VWDE: variants seen among roughly 807,000 people sequenced by gnomAD.
VWDE encodes the protein von Willebrand factor D and EGF domains.
In VWDE, 207 loss-of-function variants were observed where a neutral mutation model predicts 178.4. The ratio of observed to expected loss-of-function variants is 1.16; its 90% CI spans 1.04 to 1.30. The LOEUF (loss-of-function observed/expected upper bound fraction) is 1.30, where lower values mean the gene tolerates loss of function less well. Among genes scored for constraint, VWDE ranks in the 50% most tolerant of loss-of-function variants. The pLI is 0.00. For missense variants in VWDE, 2,287 were observed against 1,901.3 expected (o/e 1.20, Z -3.77); for synonymous variants, 738 against 651.4 (o/e 1.13, Z -2.02).
At chr7:12,392,451 C>T (rs1282179060) in intron 2 of VWDE, among the ~76,000 whole-genome samples, 1 of 151,908 alleles carries the variant, frequency 6.6e-6, no homozygotes, top group Non-Finnish European at 1.5e-5. Flanking sequence ...GATAACTGGT[C>T]GAAGTATGAT....
chr7:12,379,559 C>A lies in VWDE; in HGVS notation c.797G>T (p.Cys266Phe). 6.5e-7 allele frequency: 1 copy of A among 1,545,694 alleles called. No individual in the cohort carries two copies. The highest frequency in any genetic ancestry group is 8.7e-7 in the Non-Finnish European group (1 of 1,144,244). ...INLRLGDRIF[C>F]SASVFFLENP... ...CTCCAAGAAAAAGACAGAAGCGCTG[C>A]AGAATATCTATGGATATAATTAAAA... The change falls in exon 6 of 29, where the codon TGC (cysteine) becomes TTC (phenylalanine). Residue 266 changes from cysteine (C) to phenylalanine (F), a missense_variant. Cys to Phe is a radical substitution (Grantham distance 205, BLOSUM62 -2). Transcript: ENST00000275358.
chr7:12,357,358 C>G lies in VWDE; in HGVS notation c.3432G>C (p.Gly1144=). ...GTAAATCTGTTTTCCACATAAAAAGCCCTGCAGAGGAAACACTTGCCCCTT... is the reference window on the plus strand; with the variant it reads ...GTAAATCTGTTTTCCACATAAAAAGGCCTGCAGAGGAAACACTTGCCCCTT... ...GPEGASVSSA[G]LFMWKTDLLT... The change falls in exon 17 of 29, where the codon GGG becomes GGC. Residue 1144 remains glycine, a synonymous_variant. Transcript: ENST00000275358. 6.4e-7 allele frequency: 1 copy of G among 1,551,910 alleles called. No homozygotes were observed.
rs186868643 is a variant in VWDE, at chr7:12,339,978, T to C, written c.4366+344A>G. ...ATAATAGTGGACAGTAGATTGACCA[T>C]AAATCAAACATTTTTGCTGTGTAGG... On this transcript the variant is annotated intron_variant, in intron 24 of 28. Transcript: ENST00000275358. Among the ~76,000 whole-genome samples, 350 of 152,252 alleles carry C rather than the reference T, an allele frequency of 2.3e-3. 1 individual carries two copies. The highest frequency in any genetic ancestry group is 3.1e-3 in the Non-Finnish European group (209 of 67,998).
chr7:12,360,099 C>G (rs773669022), intron 15 of VWDE, among the ~76,000 whole-genome samples: 6 of 152,090 alleles, frequency 3.9e-5, no homozygotes, highest in Non-Finnish European at 8.8e-5. Flanking sequence ...ATTTCCCTAG[C>G]AGCCCACTGT....
At chr7:12,363,540 T>G (rs1017160294) in intron 13 of VWDE, among the ~76,000 whole-genome samples, 20 of 151,982 alleles carry the variant, frequency 1.3e-4, no homozygotes, top group African/African-American at 4.8e-4. Context: ...TTAAAACTAC[T>G]AATACAAAAG....
At chr7:12,344,075 G>A in intron 21 of VWDE, 120 bp downstream of exon 21, 1 of 667,010 alleles carries the variant, frequency 1.5e-6, no homozygotes, top group East Asian at 2.8e-5. Context: ...TCCTATACCA[G>A]CTTTGATAAG....
At chr7:12,400,460 T>A (rs1405341349) in intron 1 of VWDE, among the ~76,000 whole-genome samples, 1 of 152,048 alleles carries the variant, frequency 6.6e-6, no homozygotes, top group Non-Finnish European at 1.5e-5. Context: ...TAGATGAGAT[T>A]GACAAATTTC....
At chr7:12,344,321 T>C (rs765567937) in intron 20 of VWDE, 31 bp from the exon 21 acceptor site, 8 of 1,550,192 alleles carry the variant, frequency 5.2e-6, no homozygotes, top group Non-Finnish European at 6.1e-6. Context: ...GTTTTAGACA[T>C]ATCAATTACC....
At position 12,370,861 on chromosome 7, in the gene VWDE, A is replaced by C. The variant is rs1305603959; in HGVS notation, c.1591T>G (p.Trp531Gly). ...ESYLGRKVTI[W>G]FSSGAFIRAD... is the part of the protein sequence containing the mutation. ...CGGATAAATGCCCCAGAAGAAAACC[A>C]GATCTGAAAAACAGAAATAAATACA... Residue 531 changes from tryptophan (W) to glycine (G), a missense_variant, in exon 11 of 29, where the codon TGG becomes GGG. By Grantham distance (184) the Trp-to-Gly change is radical (BLOSUM62 -2). Coordinates refer to ENST00000275358, the MANE Select transcript of VWDE (RefSeq NM_001135924.3). The C allele has an allele frequency of 2.6e-6, 4 of 1,512,658 alleles. No individual in the cohort carries two copies. In the African/African-American group the frequency reaches 5.6e-5, roughly 21 times the overall value. The allele number at this position is 1,512,658 out of a possible 1,614,324, so 93.7% of individuals were successfully genotyped here.
intron 13 of VWDE, 141 bp downstream of exon 13, chr7:12,367,216 T>G (rs1442972650): frequency 3.5e-6 from 2 of 574,584 alleles, no homozygotes; most frequent in Non-Finnish European, 5.3e-6. Context: ...ATTATGTAAC[T>G]TAATCATTTT....
At chr7:12,372,457 G>A (rs1049408491) in intron 10 of VWDE, among the ~76,000 whole-genome samples, 1 of 151,838 alleles carries the variant, frequency 6.6e-6, no homozygotes, top group South Asian at 2.1e-4. Flanking sequence ...ATGGAAGGTG[G>A]CTATGACCTG....
At chr7:12,343,546 A>C (rs75134841) in intron 21 of VWDE, among the ~76,000 whole-genome samples, 4,040 of 152,210 alleles carry the variant, frequency 0.027, 183 homozygotes, top group African/African-American at 0.092. Context: ...GTTCACCCTA[A>C]ATTTACTTTA....
intron 19 of VWDE, among the ~76,000 whole-genome samples, chr7:12,346,556 T>C (rs1234499456): frequency 6.6e-6 from 1 of 151,968 alleles, no homozygotes; most frequent in Non-Finnish European, 1.5e-5. Context: ...TCAGATTTTA[T>C]GTCCCCATCT....
At chr7:12,367,760 T>A (rs1353097385) in intron 12 of VWDE, among the ~76,000 whole-genome samples, 1 of 152,110 alleles carries the variant, frequency 6.6e-6, no homozygotes, top group African/African-American at 2.4e-5. Context: ...ATATTTTATA[T>A]CAATTAAGGA....
intron 7 of VWDE, among the ~76,000 whole-genome samples, chr7:12,377,058 C>T (rs932616692): frequency 1.3e-5 from 2 of 152,070 alleles, no homozygotes; most frequent in African/African-American, 4.8e-5. Context: ...ATTGTAATCT[C>T]TCTTAAAGGT....
At chr7:12,403,634 C>T (rs756233590) in intron 1 of VWDE, 25 bp downstream of exon 1, 6 of 1,532,000 alleles carry the variant, frequency 3.9e-6, no homozygotes, top group South Asian at 3.6e-5. Context: ...TGCGCGCCCA[C>T]CCCCGCGCGC....
chr7:12,336,176 C>T lies in VWDE; in HGVS notation c.4619G>A (p.Cys1540Tyr). 6.4e-7 allele frequency: 1 copy of T among 1,551,352 alleles called. No individual in the cohort carries two copies. Among genetic ancestry groups the T allele is most frequent in the Non-Finnish European group, 8.7e-7 (1 of 1,146,890 alleles). ...CCGCACTCCTTCCCAGGAGGAAGGA[C>T]AATGGCATATGCTGGGCGCAATGCA... ...GECIAPSICHCPSSWEGVRCQ... is the reference protein window; with the variant it reads ...GECIAPSICHYPSSWEGVRCQ... The change falls in exon 27 of 29, where the codon TGT (cysteine) becomes TAT (tyrosine). Residue 1540 changes from cysteine (C) to tyrosine (Y), a missense_variant. Coordinates refer to ENST00000275358, the MANE Select transcript of VWDE (RefSeq NM_001135924.3).
intron 13 of VWDE, among the ~76,000 whole-genome samples, chr7:12,362,799 G>A (rs1782658845): frequency 6.6e-6 from 1 of 152,058 alleles, no homozygotes; most frequent in Non-Finnish European, 1.5e-5. Flanking sequence ...AGGGAGTATG[G>A]AGAGTCTAGC....
In VWDE at chr7:12,367,436, T is replaced by C; in HGVS notation, c.2819A>G (p.Tyr940Cys). The C allele has an allele frequency of 6.5e-7, 1 of 1,546,764 alleles. No individual in the cohort carries two copies. The highest frequency in any genetic ancestry group is 1.2e-5 in the South Asian group (1 of 83,318). Residue 940 changes from tyrosine (Y) to cysteine (C), a missense_variant, in exon 13 of 29, where the codon TAT becomes TGT. By Grantham distance (194) the Tyr-to-Cys change is radical. Transcript: ENST00000275358. ...AAAAACTCTCACCATCATACAATTA[T>C]ATTTTTGAACATCACAGAATCCAGC... The part of the protein sequence containing the change: ...GNAGFCDVQK[Y>C]NCMMVRVFGK...
Sources: allele counts gnomAD v4.1 joint callset (sites outside exome capture counted in the v4.1 genomes callset), GRCh38; gene constraint gnomAD v4.1.1; transcripts MANE v1.5; gene names NCBI Gene and HGNC (gene_info 2026-07-23, HGNC 2026-07-21).